The following SGCZ variants were observed in gnomAD, a reference collection of about 807,000 sequenced individuals.
SGCZ encodes the protein sarcoglycan zeta.
In SGCZ, 40 loss-of-function variants were observed where a neutral mutation model predicts 41.3. That is an observed-to-expected ratio of 0.97 (90% CI 0.75 to 1.26). The LOEUF (loss-of-function observed/expected upper bound fraction) is 1.26. Ranked by LOEUF, SGCZ falls within the 50% of genes most tolerant of loss-of-function variation. The pLI, the probability that SGCZ is intolerant of heterozygous loss-of-function variation, is 0.00. For missense variants in SGCZ, 552 were observed against 369.8 expected (o/e 1.49, Z -4.04); for synonymous variants, 206 against 137.5 (o/e 1.50, Z -3.49).
intron 1 of SGCZ, among the ~76,000 whole-genome samples, chr8:14,660,724 G>A (rs537256232): frequency 1.3e-5 from 2 of 152,202 alleles, no homozygotes; most frequent in African/African-American, 4.8e-5. Context: ...AGAACAAAGA[G>A]TAAGTAGAAA....
At chr8:14,363,135 C>T (rs891320428) in intron 2 of SGCZ, among the ~76,000 whole-genome samples, 7 of 152,008 alleles carry the variant, frequency 4.6e-5, no homozygotes, top group Non-Finnish European at 8.8e-5. Context: ...CATCCTTTGC[C>T]TTTCTACTTC....
intron 7 of SGCZ, among the ~76,000 whole-genome samples, chr8:14,093,477 T>G (rs1801750097): frequency 6.6e-6 from 1 of 152,124 alleles, no homozygotes; most frequent in Admixed American, 6.6e-5. Flanking sequence ...ATTCTTCCTC[T>G]TGCTCCAGTT....
At chr8:15,226,361 T>G (rs1172490673) in intron 1 of SGCZ, among the ~76,000 whole-genome samples, 1 of 152,234 alleles carries the variant, frequency 6.6e-6, no homozygotes, top group South Asian at 2.1e-4. Flanking sequence ...GCATAACTCA[T>G]GGCTCCGCAA....
intron 1 of SGCZ, among the ~76,000 whole-genome samples, chr8:15,167,122 C>G (rs1325398899): frequency 2.0e-5 from 3 of 152,100 alleles, no homozygotes; most frequent in Non-Finnish European, 4.4e-5. Flanking sequence ...GTTTGTTTCT[C>G]TCTGCCTGGT....
chr8:14,565,427 T>C (rs1804329041), intron 1 of SGCZ, among the ~76,000 whole-genome samples: 1 of 152,122 alleles, frequency 6.6e-6, no homozygotes, highest in South Asian at 2.1e-4. Flanking sequence ...TAGCCATTAA[T>C]GCAATTTTGA....
intron 1 of SGCZ, among the ~76,000 whole-genome samples, chr8:14,867,821 T>A (rs1183789480): frequency 6.6e-5 from 10 of 151,904 alleles, no homozygotes; most frequent in Non-Finnish European, 2.9e-5. Context: ...GATACCAGGC[T>A]TAGTACCTGG....
At chr8:15,231,156 C>A (rs1331602464) in intron 1 of SGCZ, among the ~76,000 whole-genome samples, 1 of 152,212 alleles carries the variant, frequency 6.6e-6, no homozygotes. Flanking sequence ...GAATTAACTT[C>A]TAAGGCTGAA....
At chr8:15,064,035 C>G (rs1011932582) in intron 1 of SGCZ, among the ~76,000 whole-genome samples, 1 of 152,106 alleles carries the variant, frequency 6.6e-6, no homozygotes, top group African/African-American at 2.4e-5. Flanking sequence ...CTCAACTTTT[C>G]TATATTTCAG....
intron 1 of SGCZ, among the ~76,000 whole-genome samples, chr8:15,096,759 C>A (rs1054477651): frequency 6.6e-6 from 1 of 152,192 alleles, no homozygotes; most frequent in East Asian, 1.9e-4. Flanking sequence ...AATCTCGGCT[C>A]ACTGTAACCT....
Position 15,174,454 on chromosome 8 carries a change from G to A in SGCZ, c.39+63131C>T, listed in dbSNP as rs150524239. 4.1e-4 allele frequency among the ~76,000 whole-genome samples: 62 copies of A among 152,144 alleles called. 1 individual carries two copies. The highest frequency in any genetic ancestry group is 1.5e-3 in the African/African-American group (61 of 41,524). On this transcript the variant is annotated intron_variant, in intron 1 of 7. Transcript: ENST00000382080. Reference sequence around the variant, plus strand: ...CTTGCTTCATTATTGATCTTTTATTGACAGAGAGCAAAAAAACTAAGCAGC... The same window carrying A: ...CTTGCTTCATTATTGATCTTTTATTAACAGAGAGCAAAAAAACTAAGCAGC...
At chr8:14,338,859 A>G (rs142833102) in intron 2 of SGCZ, among the ~76,000 whole-genome samples, 1,693 of 152,182 alleles carry the variant, frequency 0.011, 28 homozygotes, top group African/African-American at 0.038. Flanking sequence ...CTCATGTTTT[A>G]AGGAGCAGGT....
At chr8:14,532,990 T>C (rs547401274) in intron 2 of SGCZ, among the ~76,000 whole-genome samples, 2 of 152,094 alleles carry the variant, frequency 1.3e-5, no homozygotes, top group South Asian at 4.1e-4. Context: ...CAAATTGCAT[T>C]ATTTCTTTGT....
intron 1 of SGCZ, among the ~76,000 whole-genome samples, chr8:15,102,411 G>A (rs1261849513): frequency 6.6e-6 from 1 of 152,120 alleles, no homozygotes; most frequent in Non-Finnish European, 1.5e-5. Context: ...TTTTAGGGCA[G>A]TGAAACTAAC....
intron 4 of SGCZ, among the ~76,000 whole-genome samples, chr8:14,196,169 A>T (rs62492290): frequency 6.6e-6 from 1 of 152,112 alleles, no homozygotes; most frequent in Non-Finnish European, 1.5e-5. Flanking sequence ...TAGATAAGCT[A>T]TAGATTTATA....
chr8:14,313,916 G>A (rs1334083204), intron 3 of SGCZ, among the ~76,000 whole-genome samples: 1 of 65,828 alleles, frequency 1.5e-5, no homozygotes, highest in Non-Finnish European at 2.6e-5. Flanking sequence ...CTCTCTGTGT[G>A]TGTGTGTGTG....
chr8:14,225,347 A>C (rs987015529), intron 4 of SGCZ, among the ~76,000 whole-genome samples: 2 of 152,136 alleles, frequency 1.3e-5, no homozygotes, highest in Non-Finnish European at 2.9e-5. Flanking sequence ...TAAGCTGATT[A>C]GTTTTGTTAA....
chr8:14,223,031 C>T (rs1302962099), intron 4 of SGCZ, among the ~76,000 whole-genome samples: 1 of 151,650 alleles, frequency 6.6e-6, no homozygotes, highest in Non-Finnish European at 1.5e-5. Context: ...AGGATGGTCT[C>T]GAACTTCTGA....
chr8:14,878,692 T>C (rs756547600), intron 1 of SGCZ, among the ~76,000 whole-genome samples: 1 of 152,166 alleles, frequency 6.6e-6, no homozygotes, highest in Non-Finnish European at 1.5e-5. Flanking sequence ...ACGAAGTCTA[T>C]AATGAGAATG....
intron 1 of SGCZ, among the ~76,000 whole-genome samples, chr8:14,701,834 T>G (rs1809147280): frequency 6.6e-6 from 1 of 151,920 alleles, no homozygotes; most frequent in Admixed American, 6.6e-5. Flanking sequence ...TCTTCCATCT[T>G]TCATTTTCAG....
Sources: allele counts gnomAD v4.1 joint callset (sites outside exome capture counted in the v4.1 genomes callset), GRCh38; gene constraint gnomAD v4.1.1; transcripts MANE v1.5; gene names NCBI Gene and HGNC (gene_info 2026-07-23, HGNC 2026-07-21).